DLGAP4: variants seen among roughly 807,000 people sequenced by gnomAD.
DLGAP4 encodes DLG associated protein 4.
Under a neutral mutation model 86.9 loss-of-function variants are expected in DLGAP4, and 18 were observed. The observed-to-expected ratio is 0.21, with a 90% CI of 0.14 to 0.31. The LOEUF is 0.31. DLGAP4 is among the 10% of genes least tolerant of loss of function. The probability of loss-of-function intolerance (pLI) is 1.00; values close to 1 mark genes in which losing one functional copy is unlikely to be tolerated. For missense variants in DLGAP4, 1,085 were observed against 1,362.6 expected, an observed-to-expected ratio of 0.80 and a Z score of 3.21; for synonymous variants, 548 against 574.3, an observed-to-expected ratio of 0.95 and a Z score of 0.65.
intron 10 of DLGAP4, among the ~76,000 whole-genome samples, chr20:36,518,187 A>T (rs2037154275): frequency 6.6e-6 from 1 of 151,084 alleles, no homozygotes; most frequent in African/African-American, 2.4e-5. Context: ...CCACCACTTT[A>T]CTCCAGCCTG....
Position 36,496,736 on chromosome 20 carries a change from C to A in DLGAP4, c.1680C>A (p.Thr560=). ...CATGCCTAGTGGCGTATAAGAAGAC[C>A]CCGCCACCGGTCCCTCCACGCACCA... ...SSSCLVAYKK[T]PPPVPPRTTS... is the part of the protein sequence containing the mutation. The change falls in exon 8 of 13, where the codon ACC becomes ACA. Residue 560 remains threonine, a synonymous_variant. Coordinates refer to ENST00000339266, the MANE Select transcript of DLGAP4 (RefSeq NM_001365621.2). 2 of 1,608,220 alleles carry A rather than the reference C, an allele frequency of 1.2e-6. No individual in the cohort carries two copies. The highest frequency in any genetic ancestry group is 2.2e-5 in the South Asian group (2 of 91,012).
intron 7 of DLGAP4, among the ~76,000 whole-genome samples, chr20:36,457,367 C>T (rs1466862386): frequency 1.3e-5 from 2 of 150,556 alleles, no homozygotes; most frequent in African/African-American, 2.4e-5. Context: ...TACAGGCGCT[C>T]GCCACCACGC....
chr20:36,486,813 T>C (rs1218498718), intron 7 of DLGAP4, among the ~76,000 whole-genome samples: 2 of 151,880 alleles, frequency 1.3e-5, no homozygotes, highest in Non-Finnish European at 1.5e-5. Context: ...GGTTTCACCA[T>C]GTTGGCCAGG....
intron 1 of DLGAP4, among the ~76,000 whole-genome samples, chr20:36,334,198 G>A (rs1279386894): frequency 4.6e-5 from 7 of 152,206 alleles, no homozygotes; most frequent in Non-Finnish European, 1.0e-4. Flanking sequence ...TGACAAAAAT[G>A]CTACAGTGTG....
At chr20:36,341,998 T>C (rs2147375360) in intron 1 of DLGAP4, among the ~76,000 whole-genome samples, 1 of 152,280 alleles carries the variant, frequency 6.6e-6, no homozygotes. Context: ...AGCAGCAGGC[T>C]GTTGGATCGG....
chr20:36,386,448 A>G (rs1329977691), intron 2 of DLGAP4, among the ~76,000 whole-genome samples: 1 of 147,094 alleles, frequency 6.8e-6, no homozygotes, highest in Non-Finnish European at 1.5e-5. Flanking sequence ...GAAGGAAAGG[A>G]TGGAGGGAAG....
At chr20:36,441,301 C>T (rs1350915577) in intron 5 of DLGAP4, among the ~76,000 whole-genome samples, 1 of 152,194 alleles carries the variant, frequency 6.6e-6, no homozygotes, top group East Asian at 1.9e-4. Flanking sequence ...TGTCATTCTG[C>T]TCCAGGCCCT....
chr20:36,483,773 G>A (rs1220010376), intron 7 of DLGAP4, among the ~76,000 whole-genome samples: 1 of 152,240 alleles, frequency 6.6e-6, no homozygotes, highest in Non-Finnish European at 1.5e-5. Context: ...GAGGACAGTG[G>A]ACAGGCAGCA....
At chr20:36,512,931 C>CCTT (rs2036795196) in intron 10 of DLGAP4, among the ~76,000 whole-genome samples, 6 of 23,536 alleles carry the variant, frequency 2.5e-4, no homozygotes, top group Admixed American at 1.6e-3. Context: ...CTCAGAGGCC[C>CCTT]TTTTTTTTTT....
In DLGAP4 at chr20:36,432,129, C is replaced by T; in HGVS notation, c.412C>T (p.Arg138Cys). The T allele has an allele frequency of 1.2e-6, 2 of 1,614,208 alleles. No individual in the cohort carries two copies. Among genetic ancestry groups the T allele is most frequent in the Non-Finnish European group, 1.7e-6 (2 of 1,180,040 alleles). The change falls in exon 3 of 13, where the codon CGC (arginine) becomes TGC (cysteine). Residue 138 changes from arginine (R) to cysteine (C), a missense_variant. Physicochemically the swap from Arg to Cys is radical, Grantham distance 180 (BLOSUM62 -3). Transcript: ENST00000339266. The surrounding 1 kb of genome is among the most constrained non-coding windows in gnomAD (Gnocchi z 6.5). The stretch of plus-strand genomic sequence containing the variant: ...CAAGGCCCGTGGTGAGAGCCCTGGC[C>T]GCATCCGCCACCTGGTCCACTCAGT... ...EAKARGESPG[R>C]IRHLVHSVQR...
chr20:36,314,085 G>A (rs981909391), intron 1 of DLGAP4, among the ~76,000 whole-genome samples: 1 of 151,986 alleles, frequency 6.6e-6, no homozygotes, highest in Non-Finnish European at 1.5e-5. Flanking sequence ...GGGGTGTGAG[G>A]GATTCCTGGA....
At chr20:36,421,782 G>A (rs1329370285) in intron 2 of DLGAP4, among the ~76,000 whole-genome samples, 1 of 152,090 alleles carries the variant, frequency 6.6e-6, no homozygotes, top group Non-Finnish European at 1.5e-5. Flanking sequence ...GAGAGATCCC[G>A]TGTTCTATCT....
rs138570397 is a variant in DLGAP4, at chr20:36,480,614, C to T, written c.1649-16091C>T. 1.4e-3 allele frequency among the ~76,000 whole-genome samples: 214 copies of T among 152,096 alleles called. 1 individual carries two copies. The highest frequency in any genetic ancestry group is 4.6e-3 in the African/African-American group (190 of 41,506). On this transcript the variant is annotated intron_variant, in intron 7 of 12. Coordinates refer to ENST00000339266, the MANE Select transcript of DLGAP4 (RefSeq NM_001365621.2). ...TAGTCCTAGCTACTCGGGAGGCTGACGTGGGAGGATCACTTGAGCCCAGGA... is the reference window on the plus strand; with the variant it reads ...TAGTCCTAGCTACTCGGGAGGCTGATGTGGGAGGATCACTTGAGCCCAGGA...
chr20:36,341,108 C>T (rs1255476047), intron 1 of DLGAP4, among the ~76,000 whole-genome samples: 2 of 152,204 alleles, frequency 1.3e-5, no homozygotes, highest in Non-Finnish European at 2.9e-5. Flanking sequence ...TTCCTCTGTG[C>T]AATCCTCCCT....
intron 4 of DLGAP4, 56 bp downstream of exon 4, chr20:36,436,406 C>A: frequency 2.0e-6 from 3 of 1,510,170 alleles, no homozygotes; most frequent in East Asian, 2.3e-5. Flanking sequence ...CCGCCCACTA[C>A]GAGTCTTGCT....
In DLGAP4 at chr20:36,308,139, C is replaced by T. The variant is rs553773888; in HGVS notation, c.-304+1627C>T. On this transcript the variant is annotated intron_variant, in intron 1 of 12. Coordinates refer to ENST00000339266, the MANE Select transcript of DLGAP4 (RefSeq NM_001365621.2). The surrounding 1 kb of genome is among the most constrained non-coding windows in gnomAD (Gnocchi z 4.5). ...TGTGCACGTGGGGCTGGCTAGAGTG[C>T]CTGTCTCCCGCTGTGGCAGGGGTAG... 3.3e-5 allele frequency among the ~76,000 whole-genome samples: 5 copies of T among 152,306 alleles called. No homozygotes were observed. In the South Asian group the frequency reaches 1.0e-3, roughly 32 times the overall value.
chr20:36,399,239 A>G (rs75297807), intron 2 of DLGAP4, among the ~76,000 whole-genome samples: 3,992 of 152,220 alleles, frequency 0.026, 205 homozygotes, highest in African/African-American at 0.092. Context: ...AAAAACAAAA[A>G]CATAAAAAGC....
chr20:36,508,284 AAAG>A (rs2036492385), intron 10 of DLGAP4: 1 of 152,306 alleles, frequency 6.6e-6, no homozygotes, highest in East Asian at 1.9e-4. Context: ...GCTGCAGTAA[AAAG>A]AACAATTTTA....
In DLGAP4 at chr20:36,375,419, T is replaced by C. The variant is rs747943037; in HGVS notation, c.-73+8144T>C. The stretch of plus-strand genomic sequence containing the variant: ...ATCTCCAATACTTTATCATGCCCCA[T>C]GGCCTTCATTTAGTCATTCATCCCC... On this transcript the variant is annotated intron_variant, in intron 2 of 12. Coordinates refer to ENST00000339266, the MANE Select transcript of DLGAP4 (RefSeq NM_001365621.2). Among the ~76,000 whole-genome samples the C allele has an allele frequency of 1.7e-4, 26 of 152,226 alleles. 1 individual carries two copies. Among genetic ancestry groups the C allele is most frequent in the Admixed American group, 3.3e-4 (5 of 15,280 alleles).
Sources: allele counts gnomAD v4.1 joint callset (sites outside exome capture counted in the v4.1 genomes callset), GRCh38; gene constraint gnomAD v4.1.1; non-coding constraint Gnocchi (gnomAD v3.1); transcripts MANE v1.5; gene names NCBI Gene and HGNC (gene_info 2026-07-23, HGNC 2026-07-21).